Variants in CUX1 observed in about 807,000 individuals in gnomAD.
CUX1 encodes protein CASP.
A neutral mutation model predicts 158.8 loss-of-function variants in CUX1; 31 were observed. That is an observed-to-expected ratio of 0.20 (90% CI 0.15 to 0.26). The LOEUF is 0.26. CUX1 is among the 10% of genes least tolerant of loss of function. The pLI, the probability that CUX1 is intolerant of heterozygous loss-of-function variation, is 1.00. For synonymous variants in CUX1, 879 were observed against 862.1 expected, an observed-to-expected ratio of 1.02 and a Z score of -0.34; for missense variants, 1,589 against 2,014.6, an observed-to-expected ratio of 0.79 and a Z score of 4.04.
At chr7:101,892,490 G>T (rs1800990043) in intron 1 of CUX1, among the ~76,000 whole-genome samples, 1 of 152,090 alleles carries the variant, frequency 6.6e-6, no homozygotes, top group African/African-American at 2.4e-5. Flanking sequence ...ACTTCAACAA[G>T]AAAATTTTGT....
intron 3 of CUX1, among the ~76,000 whole-genome samples, chr7:102,059,404 C>A (rs1377327897): frequency 6.6e-6 from 1 of 151,882 alleles, no homozygotes; most frequent in Non-Finnish European, 1.5e-5. Context: ...GAGGCCAAGG[C>A]GGGTGGATCA....
At chr7:102,220,887 T>C (rs1312101900) in intron 20 of CUX1, among the ~76,000 whole-genome samples, 1 of 152,170 alleles carries the variant, frequency 6.6e-6, no homozygotes, top group Non-Finnish European at 1.5e-5. Context: ...ATTTTTGTAT[T>C]TTTAGTAGAG....
chr7:102,015,314 G>A (rs1426597011), intron 2 of CUX1, among the ~76,000 whole-genome samples: 2 of 151,828 alleles, frequency 1.3e-5, no homozygotes, highest in South Asian at 2.1e-4. Flanking sequence ...TGCAACCTCC[G>A]CCTCCCAGGT....
chr7:102,095,847 C>T (rs1475941073), intron 4 of CUX1, among the ~76,000 whole-genome samples: 1 of 152,202 alleles, frequency 6.6e-6, no homozygotes, highest in Non-Finnish European at 1.5e-5. Context: ...TCCACTCTGA[C>T]GGAGCCTGAG....
chr7:101,985,459 C>G (rs1814174910), intron 2 of CUX1, among the ~76,000 whole-genome samples: 1 of 152,174 alleles, frequency 6.6e-6, no homozygotes, highest in Admixed American at 6.5e-5. Context: ...GTAGTGCCTG[C>G]AGGACTGCTG....
chr7:102,168,191 A>G (rs1791266468), intron 9 of CUX1, among the ~76,000 whole-genome samples: 1 of 151,990 alleles, frequency 6.6e-6, no homozygotes, highest in Non-Finnish European at 1.5e-5. Context: ...CTGGTTCTAG[A>G]TTCAGTGTGG....
chr7:102,280,024 C>T, intron 18 of CUX1: 3 of 1,532,584 alleles, frequency 2.0e-6, no homozygotes, highest in Non-Finnish European at 1.8e-6. Flanking sequence ...TCTTCCCCTC[C>T]CTGTCTGTGC....
chr7:101,953,758 G>A (rs1234542962), intron 2 of CUX1, among the ~76,000 whole-genome samples: 1 of 151,928 alleles, frequency 6.6e-6, no homozygotes, highest in African/African-American at 2.4e-5. Flanking sequence ...TTTGTCTCAC[G>A]ACTGGAGGGT....
chr7:102,283,300 C>A lies in CUX1; in HGVS notation c.*210C>A, dbSNP rs539714168. 4 of 578,342 alleles carry A rather than the reference C, an allele frequency of 6.9e-6. No homozygotes were observed. In the East Asian group the frequency reaches 1.2e-4, roughly 17 times the overall value. The allele number at this position is 578,342 out of a possible 1,614,324, so 35.8% of individuals were successfully genotyped here. A position where few individuals can be genotyped will look rare whatever the true frequency, so the allele number is the denominator to read the frequency against. On this transcript the variant is annotated 3_prime_UTR_variant, in exon 23 of 23. Transcript: ENST00000292538. Reference sequence around the variant, plus strand: ...CCGCTAGGTCCAGAGAGCGAGCCCCCAATGCCCGGCCAGGCTAAGCCGCAG... The same window carrying A: ...CCGCTAGGTCCAGAGAGCGAGCCCCAAATGCCCGGCCAGGCTAAGCCGCAG...
intron 2 of CUX1, among the ~76,000 whole-genome samples, chr7:101,992,658 A>C (rs1351729046): frequency 6.6e-6 from 1 of 152,152 alleles, no homozygotes; most frequent in African/African-American, 2.4e-5. Flanking sequence ...TTGGTTAGAG[A>C]AGCTCAGGTA....
chr7:102,000,714 G>A (rs760485470), intron 2 of CUX1, among the ~76,000 whole-genome samples: 4 of 152,178 alleles, frequency 2.6e-5, no homozygotes, highest in Non-Finnish European at 4.4e-5. Context: ...GGTTTTATGT[G>A]CAGGAATGCT....
intron 1 of CUX1, among the ~76,000 whole-genome samples, chr7:101,848,239 A>T (rs371028062): frequency 6.6e-6 from 1 of 150,942 alleles, no homozygotes; most frequent in Non-Finnish European, 1.5e-5. Context: ...CCAGAGATTG[A>T]TTTTTTTTTC....
chr7:101,996,782 C>T (rs1815963934), intron 2 of CUX1, among the ~76,000 whole-genome samples: 1 of 151,702 alleles, frequency 6.6e-6, no homozygotes, highest in African/African-American at 2.4e-5. Flanking sequence ...CAAATACAGC[C>T]CCAGGCTATC....
chr7:102,032,800 T>C (rs1820947477), intron 3 of CUX1, among the ~76,000 whole-genome samples: 1 of 152,202 alleles, frequency 6.6e-6, no homozygotes. Flanking sequence ...TGATACCTAA[T>C]TTTGGGTGTT....
At chr7:102,133,140 C>CCT (rs1486372318) in intron 8 of CUX1, among the ~76,000 whole-genome samples, 2 of 152,062 alleles carry the variant, frequency 1.3e-5, no homozygotes, top group African/African-American at 4.8e-5. Context: ...TCCGTGGCAC[C>CCT]CTCTCTCATA....
chr7:101,867,386 A>G (rs1798042771), intron 1 of CUX1, among the ~76,000 whole-genome samples: 1 of 152,066 alleles, frequency 6.6e-6, no homozygotes, highest in African/African-American at 2.4e-5. Flanking sequence ...CACTCTGTGC[A>G]CTCTGAATCC....
intron 13 of CUX1, among the ~76,000 whole-genome samples, chr7:102,194,597 A>AT (rs1196063295): frequency 1.6e-4 from 23 of 146,828 alleles, no homozygotes; most frequent in Middle Eastern, 3.7e-3. Flanking sequence ...GAGACTGACT[A>AT]TTTTTTTTTT....
chr7:101,984,139 CATATAT>C lies in CUX1; in HGVS notation c.142-43954_142-43949del, dbSNP rs1222076197. On this transcript the variant is annotated intron_variant, in intron 2 of 23. Transcript: ENST00000292535. Reference sequence around the variant, plus strand: ...ATATATATATATATATACACACACACATATATATATGTGTGTGTGTGTGTGTGTGTG... The same window carrying C: ...ATATATATATATATATACACACACACATATGTGTGTGTGTGTGTGTGTGTG... Among the ~76,000 whole-genome samples the C allele has an allele frequency of 2.6e-3, 117 of 45,702 alleles. 5 individuals carry two copies. The highest frequency in any genetic ancestry group is 4.2e-3 in the Admixed American group (19 of 4,530). The allele number at this position is 45,702 out of a possible 152,430, so 30.0% of individuals were successfully genotyped here.
At chr7:102,279,554 G>A (rs1282126868) in intron 18 of CUX1, among the ~76,000 whole-genome samples, 1 of 151,994 alleles carries the variant, frequency 6.6e-6, no homozygotes, top group East Asian at 1.9e-4. Flanking sequence ...GCATAGTGGG[G>A]CAGGGATTCA....
Sources: allele counts gnomAD v4.1 joint callset (sites outside exome capture counted in the v4.1 genomes callset), GRCh38; gene constraint gnomAD v4.1.1; transcripts MANE v1.5; gene names NCBI Gene and HGNC (gene_info 2026-07-23, HGNC 2026-07-21).